The following NTN1 variants were observed in gnomAD, a reference collection of about 807,000 sequenced individuals.
NTN1 encodes netrin-1.
NTN1 carries 11 observed loss-of-function variants against 54.2 expected under a neutral mutation model. The observed-to-expected ratio is 0.20, with a 90% CI of 0.13 to 0.34. The LOEUF is 0.34. Among genes scored for constraint, NTN1 ranks in the 10% least tolerant of loss-of-function variants. The pLI, the probability that NTN1 is intolerant of heterozygous loss-of-function variation, is 1.00. For synonymous variants in NTN1, 371 were observed against 382.0 expected, an observed-to-expected ratio of 0.97 and a Z score of 0.33; for missense variants, 740 against 893.1, an observed-to-expected ratio of 0.83 and a Z score of 2.18.
At chr17:9,059,517 T>A (rs1218250295) in intron 2 of NTN1, among the ~76,000 whole-genome samples, 1 of 152,138 alleles carries the variant, frequency 6.6e-6, no homozygotes, top group African/African-American at 2.4e-5. Flanking sequence ...TTATATATGC[T>A]ACAGTGTGAA....
At position 9,182,938 on chromosome 17, in the gene NTN1, GACT is replaced by G; in HGVS notation, c.1381_1383del (p.Thr461del). On this transcript the variant is annotated inframe_deletion, in exon 5 of 7. Transcript: ENST00000173229. Reference sequence around the variant, plus strand: ...AAGAGATCCCTGTAGCGCCGCCGACGACTGCAGCCAGCAGCGTGGAGGAGCCTG... The same window carrying G: ...AAGAGATCCCTGTAGCGCCGCCGACGGCAGCCAGCAGCGTGGAGGAGCCTG... 6.2e-7 allele frequency: 1 copy of G among 1,614,004 alleles called. No homozygotes were observed. Among genetic ancestry groups the G allele is most frequent in the African/African-American group, 1.3e-5 (1 of 74,972 alleles).
rs1426865978 is a variant in NTN1 at position 9,239,183 on chromosome 17, T to C, written c.1487-457T>C. ...ACCCATTATGGTTTTCTGAGGCTGG[T>C]TGGAGGGCCAGGCTGTGTGTGGAGT... On this transcript the variant is annotated intron_variant, in intron 6 of 6. Coordinates refer to ENST00000173229, the MANE Select transcript of NTN1 (RefSeq NM_004822.3). This position sits in a 1 kb window ranked among gnomAD's most constrained non-coding sequence, Gnocchi z 5.2. 6.6e-6 allele frequency among the ~76,000 whole-genome samples: 1 copy of C among 152,096 alleles called. No homozygotes were observed. The highest frequency in any genetic ancestry group is 2.4e-5 in the African/African-American group (1 of 41,406).
At chr17:9,129,868 G>T (rs2092258926) in intron 2 of NTN1, among the ~76,000 whole-genome samples, 1 of 152,204 alleles carries the variant, frequency 6.6e-6, no homozygotes, top group South Asian at 2.1e-4. Context: ...TGCAACTCGG[G>T]ATTGATGAAA....
chr17:9,032,442 G>C (rs1199768398), intron 2 of NTN1, among the ~76,000 whole-genome samples: 2 of 152,182 alleles, frequency 1.3e-5, no homozygotes, highest in Non-Finnish European at 2.9e-5. Context: ...CCTGGGCCAG[G>C]ACCCTGGTGC....
intron 2 of NTN1, among the ~76,000 whole-genome samples, chr17:9,024,219 T>G (rs1038807728): frequency 2.6e-5 from 4 of 152,070 alleles, no homozygotes; most frequent in Non-Finnish European, 2.9e-5. Flanking sequence ...GGGTCAGAAA[T>G]GAAGCTAAAA....
rs377141394 is a variant in NTN1, at chr17:9,239,611, C to T, written c.1487-29C>T. Reference sequence around the variant, plus strand: ...CGGACCTAGCCACAGCAGCTGGGAGCCCACCCGTCTGCCTGTGCTTCCTTG... The same window carrying T: ...CGGACCTAGCCACAGCAGCTGGGAGTCCACCCGTCTGCCTGTGCTTCCTTG... On this transcript the variant is annotated intron_variant, in intron 6 of 6. Transcript: ENST00000173229. This position sits in a 1 kb window ranked among gnomAD's most constrained non-coding sequence, Gnocchi z 5.2. The T allele has an allele frequency of 6.3e-6, 10 of 1,593,536 alleles. No individual in the cohort carries two copies. Among genetic ancestry groups the T allele is most frequent in the African/African-American group, 1.3e-5 (1 of 74,574 alleles).
intron 2 of NTN1, among the ~76,000 whole-genome samples, chr17:9,081,443 C>T (rs1394221535): frequency 6.6e-6 from 1 of 152,164 alleles, no homozygotes; most frequent in East Asian, 1.9e-4. Context: ...ATGTGATGTT[C>T]CATTTGCACC....
At chr17:9,155,460 T>G (rs1411339406) in intron 2 of NTN1, among the ~76,000 whole-genome samples, 1 of 151,864 alleles carries the variant, frequency 6.6e-6, no homozygotes, top group African/African-American at 2.4e-5. Context: ...TCCTGCCTCA[T>G]CCTCCCGAGT....
intron 6 of NTN1, among the ~76,000 whole-genome samples, chr17:9,226,965 G>A (rs541932534): frequency 2.0e-5 from 3 of 151,616 alleles, no homozygotes; most frequent in African/African-American, 2.4e-5. Context: ...CCGAGGCCCC[G>A]CCTCACACCC....
chr17:9,146,489 C>G (rs1214712495), intron 2 of NTN1, among the ~76,000 whole-genome samples: 15 of 152,198 alleles, frequency 9.9e-5, no homozygotes, highest in Non-Finnish European at 2.2e-4. Flanking sequence ...AGGGGACCAC[C>G]TTGCTTATGC....
chr17:9,106,222 C>T (rs189686227), intron 2 of NTN1, among the ~76,000 whole-genome samples: 6 of 152,176 alleles, frequency 3.9e-5, no homozygotes, highest in African/African-American at 9.7e-5. Flanking sequence ...ACCTGCCTTG[C>T]GGGTGAGATG....
At chr17:9,068,884 A>AGG (rs1325922855) in intron 2 of NTN1, among the ~76,000 whole-genome samples, 3 of 152,126 alleles carry the variant, frequency 2.0e-5, no homozygotes, top group African/African-American at 7.2e-5. Context: ...AATTTCCAAA[A>AGG]GGGGCTCTAA....
At chr17:9,040,240 G>A (rs1231798933) in intron 2 of NTN1, among the ~76,000 whole-genome samples, 1 of 152,190 alleles carries the variant, frequency 6.6e-6, no homozygotes, top group Non-Finnish European at 1.5e-5. Context: ...CAATTTGGAA[G>A]TATAGAACAT....
chr17:9,066,245 G>A (rs1255584595), intron 2 of NTN1, among the ~76,000 whole-genome samples: 5 of 149,822 alleles, frequency 3.3e-5, no homozygotes, highest in African/African-American at 1.2e-4. Flanking sequence ...AACATAGCAG[G>A]ACTTCGTCTC....
At chr17:9,020,962 G>A (rs577866183), upstream of NTN1, among the ~76,000 whole-genome samples, 1 of 152,184 alleles carries the variant, frequency 6.6e-6, no homozygotes, top group East Asian at 1.9e-4. Context: ...TGGAGAGCAG[G>A]CAGAGGTCAC....
At chr17:9,060,424 C>T (rs555307123) in intron 2 of NTN1, among the ~76,000 whole-genome samples, 76 of 152,288 alleles carry the variant, frequency 5.0e-4, no homozygotes, top group Middle Eastern at 3.4e-3. Context: ...CAACAGTAGG[C>T]TACTATCAGT....
chr17:9,169,018 G>T (rs2142305059), intron 3 of NTN1, among the ~76,000 whole-genome samples: 1 of 152,332 alleles, frequency 6.6e-6, no homozygotes, highest in Admixed American at 6.5e-5. Flanking sequence ...TTGGGAGAGA[G>T]AATTCCCAGT....
chr17:9,174,799 T>A (rs1287014704), intron 3 of NTN1: 1 of 152,400 alleles, frequency 6.6e-6, no homozygotes, highest in African/African-American at 2.4e-5. Context: ...AGTACACAGT[T>A]TAGCCCATAG....
chr17:9,049,746 A>G (rs1216320579), intron 2 of NTN1, among the ~76,000 whole-genome samples: 1 of 152,190 alleles, frequency 6.6e-6, no homozygotes, highest in Non-Finnish European at 1.5e-5. Flanking sequence ...ATCTAGACAA[A>G]GACATGTGCG....
Sources: gnomAD v4.1 joint callset for allele counts (sites outside exome capture counted in the v4.1 genomes callset) on GRCh38, gnomAD v4.1.1 for gene constraint, Gnocchi (gnomAD v3.1) non-coding constraint, MANE v1.5 for transcripts, NCBI Gene and HGNC (gene_info 2026-07-23, HGNC 2026-07-21) for gene names.